TAB2: variants seen among roughly 807,000 people sequenced by gnomAD.
TAB2 encodes TGF-beta-activated kinase 1 and MAP3K7-binding protein 2.
Under a neutral mutation model 65.0 loss-of-function variants are expected in TAB2, and 3 were observed. The ratio of observed to expected loss-of-function variants is 0.05; its 90% CI spans 0.02 to 0.12. TAB2 has a LOEUF of 0.12. Ranked by LOEUF, TAB2 falls within the 10% of genes least tolerant of loss-of-function variation. TAB2 has a pLI of 1.00. For synonymous variants in TAB2, 298 were observed against 285.1 expected, an observed-to-expected ratio of 1.05 and a Z score of -0.46; for missense variants, 623 against 840.3, an observed-to-expected ratio of 0.74 and a Z score of 3.20.
intron 1 of TAB2, among the ~76,000 whole-genome samples, chr6:149,231,599 A>G (rs1777407816): frequency 6.6e-6 from 1 of 152,224 alleles, no homozygotes; most frequent in Non-Finnish European, 1.5e-5. Flanking sequence ...AAAGCACTTA[A>G]TCACTGCATA....
chr6:149,284,467 C>T (rs1778632431), intron 1 of TAB2, among the ~76,000 whole-genome samples: 1 of 151,736 alleles, frequency 6.6e-6, no homozygotes, highest in Non-Finnish European at 1.5e-5. Context: ...TGGTGAGTTT[C>T]TTGAAGTCAA....
In TAB2 at chr6:149,384,206, T is replaced by C. The variant is rs1781712520; in HGVS notation, c.1603+4688T>C. ...TCATAGGAAAATACTTTTTCCAAAT[T>C]GAGAAGGGAACATACGTACATACAT... On this transcript the variant is annotated intron_variant, in intron 3 of 6. Coordinates refer to ENST00000637181, the MANE Select transcript of TAB2 (RefSeq NM_001292034.3). 2.0e-5 allele frequency among the ~76,000 whole-genome samples: 3 copies of C among 152,176 alleles called. No individual in the cohort carries two copies. In the South Asian group the frequency reaches 6.2e-4, roughly 32 times the overall value.
At chr6:149,389,752 C>T (rs1583151231) in intron 3 of TAB2, among the ~76,000 whole-genome samples, 1 of 151,612 alleles carries the variant, frequency 6.6e-6, no homozygotes, top group East Asian at 1.9e-4. Flanking sequence ...TTTGGTGCAT[C>T]TAGGCCTGTT....
intron 1 of TAB2, among the ~76,000 whole-genome samples, chr6:149,234,181 T>C (rs1043193808): frequency 6.6e-6 from 1 of 152,330 alleles, no homozygotes; most frequent in East Asian, 1.9e-4. Flanking sequence ...ATAACATTTT[T>C]AAGATAAAAG....
rs12665694 is a variant in TAB2, at chr6:149,351,187, A to G, written c.-89-18722A>G. Among the ~76,000 whole-genome samples, 2,196 of 152,248 alleles carry G rather than the reference A, an allele frequency of 0.014. 127 individuals carry two copies. The East Asian group carries it at 0.15, about 10-fold the overall frequency. Reference sequence around the variant, plus strand: ...ACACAGTTTATGCCACTTTTCTAGCACTTTGCACAACCTAGTACTGTTGAG... The same window carrying G: ...ACACAGTTTATGCCACTTTTCTAGCGCTTTGCACAACCTAGTACTGTTGAG... On this transcript the variant is annotated intron_variant, in intron 1 of 6. Coordinates refer to ENST00000637181, the MANE Select transcript of TAB2 (RefSeq NM_001292034.3).
At chr6:149,225,440 G>A (rs574992101) in intron 1 of TAB2, among the ~76,000 whole-genome samples, 1 of 152,308 alleles carries the variant, frequency 6.6e-6, no homozygotes, top group South Asian at 2.1e-4. Context: ...AAATTTTTTA[G>A]AGTTTGTCAG....
intron 1 of TAB2, among the ~76,000 whole-genome samples, chr6:149,263,146 G>C (rs923616669): frequency 2.6e-5 from 4 of 152,182 alleles, no homozygotes; most frequent in African/African-American, 9.6e-5. Context: ...TTTGGGGAAA[G>C]AGCATTCAAC....
chr6:149,253,986 GAAA>G (rs1777927916), intron 1 of TAB2, among the ~76,000 whole-genome samples: 2 of 136,160 alleles, frequency 1.5e-5, no homozygotes, highest in African/African-American at 5.5e-5. Flanking sequence ...AAGAAAGAAA[GAAA>G]GAAAGAAAGA....
rs762873510 is a variant in TAB2 at position 149,378,162 on chromosome 6, C to A, written c.247C>A (p.Gln83Lys). 35 of 1,614,038 alleles carry A rather than the reference C, an allele frequency of 2.2e-5. No individual in the cohort carries two copies. Among genetic ancestry groups the A allele is most frequent in the Non-Finnish European group, 1.4e-5 (16 of 1,180,048 alleles). Residue 83 changes from glutamine (Q) to lysine (K), a missense_variant, in exon 3 of 7, where the codon CAA becomes AAA. Gln to Lys is a moderately conservative substitution (Grantham distance 53). Transcript: ENST00000637181. The part of the protein sequence containing the change: ...NHMTSLNLDL[Q>K]SQNIYHHGRE... The stretch of plus-strand genomic sequence containing the variant: ...CATGACTTCTCTCAACTTGGACTTG[C>A]AATCACAGAACATTTACCACCATGG...
In TAB2 at chr6:149,361,884, G is replaced by A. The variant is rs143399921; in HGVS notation, c.-89-8025G>A. ...GTTGAAACTTCCACAGATCCCCAGG[G>A]CATGAACACAATACAGCCAAGCTCT... On this transcript the variant is annotated intron_variant, in intron 1 of 6. Transcript: ENST00000637181. Among the ~76,000 whole-genome samples the A allele has an allele frequency of 7.0e-3, 1,073 of 152,284 alleles. 14 individuals carry two copies. Among genetic ancestry groups the A allele is most frequent in the African/African-American group, 0.023 (976 of 41,548 alleles).
intron 1 of TAB2, among the ~76,000 whole-genome samples, chr6:149,296,482 G>A (rs1778878726): frequency 6.6e-6 from 1 of 152,134 alleles, no homozygotes; most frequent in Non-Finnish European, 1.5e-5. Flanking sequence ...GCCTAAAAAT[G>A]TCTTACTGTC....
chr6:149,275,246 A>AAGAAAGAG, intron 1 of TAB2, among the ~76,000 whole-genome samples: 1 of 113,850 alleles, frequency 8.8e-6, no homozygotes, highest in African/African-American at 3.3e-5. Context: ...GAAAGAAAGA[A>AAGAAAGAG]AGAAAGAAAG....
intron 1 of TAB2, among the ~76,000 whole-genome samples, chr6:149,286,205 G>C (rs1758905878): frequency 6.6e-6 from 1 of 152,162 alleles, no homozygotes; most frequent in Non-Finnish European, 1.5e-5. Flanking sequence ...AGATTTGCGA[G>C]TTAGAAGAAA....
At chr6:149,385,639 A>T (rs1781767506) in intron 3 of TAB2, among the ~76,000 whole-genome samples, 1 of 152,212 alleles carries the variant, frequency 6.6e-6, no homozygotes, top group Non-Finnish European at 1.5e-5. Context: ...TAAATGTCAG[A>T]ATTGGAAGAG....
chr6:149,275,288 GAAA>G (rs1696324327), intron 1 of TAB2, among the ~76,000 whole-genome samples: 1 of 142,364 alleles, frequency 7.0e-6, no homozygotes, highest in Non-Finnish European at 1.6e-5. Flanking sequence ...AAGAAAGAAA[GAAA>G]GAAAGAAAGA....
At position 149,370,022 on chromosome 6, in the gene TAB2, G is replaced by A. The variant is rs757640903; in HGVS notation, c.25G>A (p.Asp9Asn). 7 of 1,614,054 alleles carry A rather than the reference G, an allele frequency of 4.3e-6. No homozygotes were observed. The highest frequency in any genetic ancestry group is 3.3e-5 in the Admixed American group (2 of 60,004). The change falls in exon 2 of 7, where the codon GAT becomes AAT. Residue 9 changes from aspartate (D) to asparagine (N), a missense_variant. Coordinates refer to ENST00000637181, the MANE Select transcript of TAB2 (RefSeq NM_001292034.3). MAQGSHQI[D>N]FQVLHDLRQK... is the part of the protein sequence containing the mutation. ...AATGGCCCAAGGAAGCCACCAAATT[G>A]ATTTTCAGGTTTTACATGACCTGCG...
In TAB2 at chr6:149,410,568, A is replaced by AACTTTCCTCT. The variant is rs1782818786; in HGVS notation, c.*854_*863dup. ...AATGAGATGAAAGTATGCACAGAATAACTTTCCTCTACTTATTCTGTACTT... is the reference window on the plus strand; with the variant it reads ...AATGAGATGAAAGTATGCACAGAATAACTTTCCTCTACTTTCCTCTACTTATTCTGTACTT... On this transcript the variant is annotated 3_prime_UTR_variant, in exon 7 of 7. Transcript: ENST00000637181. The AACTTTCCTCT allele has an allele frequency of 6.6e-6, 1 of 152,664 alleles. No individual in the cohort carries two copies. Among genetic ancestry groups the AACTTTCCTCT allele is most frequent in the Non-Finnish European group, 1.5e-5 (1 of 68,040 alleles). The allele number at this position is 152,664 out of a possible 1,614,324, so 9.5% of individuals were successfully genotyped here. A position where few individuals can be genotyped will look rare whatever the true frequency, so the allele number is the denominator to read the frequency against.
At chr6:149,250,170 G>T (rs1472051440) in intron 1 of TAB2, among the ~76,000 whole-genome samples, 1 of 152,136 alleles carries the variant, frequency 6.6e-6, no homozygotes, top group Non-Finnish European at 1.5e-5. Context: ...TACAGATCTT[G>T]AAACAGCACA....
intron 6 of TAB2, among the ~76,000 whole-genome samples, chr6:149,401,659 G>A (rs1782416598): frequency 6.6e-6 from 1 of 152,000 alleles, no homozygotes; most frequent in Non-Finnish European, 1.5e-5. Flanking sequence ...AATGAATAAA[G>A]AAACAGCTGA....
Sources: allele counts gnomAD v4.1 joint callset (sites outside exome capture counted in the v4.1 genomes callset), GRCh38; gene constraint gnomAD v4.1.1; transcripts MANE v1.5; gene names NCBI Gene and HGNC (gene_info 2026-07-23, HGNC 2026-07-21).